The following MCTP1 variants were observed in gnomAD, a reference collection of about 807,000 sequenced individuals.
MCTP1 encodes multiple C2 and transmembrane domain-containing protein 1.
A neutral mutation model predicts 120.6 loss-of-function variants in MCTP1; 69 were observed. That is an observed-to-expected ratio of 0.57 (90% CI 0.47 to 0.70). The LOEUF (loss-of-function observed/expected upper bound fraction) is 0.70. Ranked by LOEUF, MCTP1 falls within the 30% of genes least tolerant of loss-of-function variation. MCTP1 has a pLI of 0.00. For missense variants in MCTP1, 1,203 were observed against 1,248.8 expected (o/e 0.96, Z 0.55); for synonymous variants, 529 against 493.1 (o/e 1.07, Z -0.96).
chr5:94,739,795 G>A (rs1765109067), intron 19 of MCTP1, among the ~76,000 whole-genome samples: 1 of 152,160 alleles, frequency 6.6e-6, no homozygotes, highest in Admixed American at 6.5e-5. Context: ...ACTCTCCCGA[G>A]TAGCTGGGAT....
intron 1 of MCTP1, among the ~76,000 whole-genome samples, chr5:95,176,809 A>G (rs1562210794): frequency 1.3e-5 from 2 of 152,144 alleles, no homozygotes; most frequent in Admixed American, 6.5e-5. Context: ...CAGTAAGCCA[A>G]GATTGGGCAA....
chr5:95,217,181 G>T (rs1203047929), intron 1 of MCTP1, among the ~76,000 whole-genome samples: 3 of 152,072 alleles, frequency 2.0e-5, no homozygotes, highest in Non-Finnish European at 4.4e-5. Context: ...TCCTAGTATT[G>T]TTTCCAAATA....
chr5:94,727,469 A>G (rs138867171), intron 19 of MCTP1, among the ~76,000 whole-genome samples: 12 of 152,314 alleles, frequency 7.9e-5, no homozygotes, highest in African/African-American at 2.9e-4. Flanking sequence ...ACTGGAATCA[A>G]TTTCATCATT....
intron 6 of MCTP1, among the ~76,000 whole-genome samples, chr5:94,929,022 G>A (rs1293159614): frequency 6.6e-6 from 1 of 152,098 alleles, no homozygotes; most frequent in African/African-American, 2.4e-5. Context: ...AACAGGTAAA[G>A]AAATTTCATC....
At chr5:94,806,964 C>G (rs1782459254) in intron 17 of MCTP1, among the ~76,000 whole-genome samples, 1 of 152,130 alleles carries the variant, frequency 6.6e-6, no homozygotes, top group African/African-American at 2.4e-5. Flanking sequence ...AATCCTTTTC[C>G]TTCCTAATTT....
At chr5:95,004,857 C>T (rs896745596) in intron 2 of MCTP1, among the ~76,000 whole-genome samples, 11 of 152,200 alleles carry the variant, frequency 7.2e-5, no homozygotes, top group African/African-American at 1.4e-4. Flanking sequence ...GAGGTTGGAG[C>T]CCCCACACAG....
At chr5:95,044,330 C>A (rs879769226) in intron 1 of MCTP1, among the ~76,000 whole-genome samples, 52 of 152,238 alleles carry the variant, frequency 3.4e-4, no homozygotes, top group Admixed American at 3.4e-3. Context: ...GGCTTTTTCT[C>A]TCTTTCTGGC....
At chr5:94,995,413 T>C (rs1205308348) in intron 2 of MCTP1, among the ~76,000 whole-genome samples, 3 of 152,164 alleles carry the variant, frequency 2.0e-5, no homozygotes, top group African/African-American at 7.2e-5. Context: ...TAAGGGTGAC[T>C]ATGCATGTTA....
chr5:95,103,892 G>A (rs1193614604), intron 1 of MCTP1, among the ~76,000 whole-genome samples: 1 of 152,120 alleles, frequency 6.6e-6, no homozygotes, highest in Admixed American at 6.5e-5. Context: ...GGGAGAAGCA[G>A]GAGGGTTGCA....
intron 12 of MCTP1, among the ~76,000 whole-genome samples, chr5:94,873,458 A>G (rs1237473372): frequency 6.6e-6 from 1 of 152,074 alleles, no homozygotes; most frequent in South Asian, 2.1e-4. Context: ...TTAGAGCCTG[A>G]AAAAAGTAAA....
At chr5:95,188,009 G>GCA (rs1264220373) in intron 1 of MCTP1, among the ~76,000 whole-genome samples, 3 of 151,812 alleles carry the variant, frequency 2.0e-5, no homozygotes, top group African/African-American at 7.3e-5. Flanking sequence ...TACTATGTAC[G>GCA]CACACAATTA....
At chr5:94,830,241 G>T (rs1003871690) in intron 17 of MCTP1, among the ~76,000 whole-genome samples, 1 of 152,154 alleles carries the variant, frequency 6.6e-6, no homozygotes, top group Non-Finnish European at 1.5e-5. Flanking sequence ...GTAGGAGAAA[G>T]GGTGAATGTT....
chr5:95,021,193 A>C (rs1395328857), intron 1 of MCTP1, among the ~76,000 whole-genome samples: 2 of 151,860 alleles, frequency 1.3e-5, no homozygotes, highest in Non-Finnish European at 2.9e-5. Flanking sequence ...TAATACTACT[A>C]CCTCCTTGTC....
intron 1 of MCTP1, among the ~76,000 whole-genome samples, chr5:95,231,997 T>C (rs1755003959): frequency 6.6e-6 from 1 of 151,930 alleles, no homozygotes; most frequent in South Asian, 2.1e-4. Flanking sequence ...CATGGAGAGC[T>C]GTTAGGTGCA....
At chr5:94,866,729 A>C (rs10035946) in intron 17 of MCTP1, among the ~76,000 whole-genome samples, 2,976 of 151,788 alleles carry the variant, frequency 0.02, 107 homozygotes, top group African/African-American at 0.069. Flanking sequence ...TAAGTTGTTC[A>C]GAATTCCAGT....
intron 1 of MCTP1, among the ~76,000 whole-genome samples, chr5:95,092,795 G>T (rs1349601362): frequency 3.3e-5 from 5 of 152,150 alleles, no homozygotes; most frequent in Non-Finnish European, 5.9e-5. Context: ...AACAATCCAG[G>T]TTGAAATAAT....
intron 1 of MCTP1, among the ~76,000 whole-genome samples, chr5:95,155,579 T>C (rs901274627): frequency 6.6e-6 from 1 of 152,050 alleles, no homozygotes; most frequent in South Asian, 2.1e-4. Context: ...AAATGAAGTC[T>C]GTAACAAAAA....
intron 1 of MCTP1, among the ~76,000 whole-genome samples, chr5:95,182,368 T>C (rs1363222040): frequency 6.6e-6 from 1 of 152,200 alleles, no homozygotes; most frequent in Non-Finnish European, 1.5e-5. Context: ...CTCTGTATGG[T>C]AGGTTATACA....
intron 16 of MCTP1, among the ~76,000 whole-genome samples, chr5:94,869,654 T>C (rs1312073767): frequency 6.6e-6 from 1 of 152,062 alleles, no homozygotes; most frequent in Non-Finnish European, 1.5e-5. Flanking sequence ...AATTATTAAA[T>C]ATTTCAAGGC....
Sources: gnomAD v4.1 joint callset for allele counts (sites outside exome capture counted in the v4.1 genomes callset) on GRCh38, gnomAD v4.1.1 for gene constraint, MANE v1.5 for transcripts, NCBI Gene and HGNC (gene_info 2026-07-23, HGNC 2026-07-21) for gene names.